MYCBPAP: variants seen among roughly 807,000 people sequenced by gnomAD.
MYCBPAP encodes MYCBP-associated protein.
MYCBPAP carries 60 observed loss-of-function variants against 106.1 expected under a neutral mutation model. That is an observed-to-expected ratio of 0.57 (90% CI 0.46 to 0.70). The LOEUF (loss-of-function observed/expected upper bound fraction) is 0.70. Among genes scored for constraint, MYCBPAP ranks in the 30% least tolerant of loss-of-function variants. The pLI, the probability that MYCBPAP is intolerant of heterozygous loss-of-function variation, is 0.00. For synonymous variants in MYCBPAP, 407 were observed against 440.6 expected (o/e 0.92, Z 0.95); for missense variants, 1,064 against 1,169.3 (o/e 0.91, Z 1.31).
intron 7 of MYCBPAP, among the ~76,000 whole-genome samples, chr17:50,520,715 C>T (rs1467880525): frequency 2.0e-5 from 3 of 152,060 alleles, no homozygotes; most frequent in South Asian, 2.1e-4. Flanking sequence ...CCAGCTGTGT[C>T]GTGTTAGTGA....
In MYCBPAP at chr17:50,531,500, T is replaced by G; in HGVS notation, c.*72T>G. 8.7e-7 allele frequency: 1 copy of G among 1,147,292 alleles called. No individual in the cohort carries two copies. Among genetic ancestry groups the G allele is most frequent in the Non-Finnish European group, 1.2e-6 (1 of 807,736 alleles). The allele number at this position is 1,147,292 out of a possible 1,614,324, so 71.1% of individuals were successfully genotyped here. On this transcript the variant is annotated 3_prime_UTR_variant, in exon 19 of 19. Transcript: ENST00000323776. ...CAATAAAGAACCTTCAAGTTTCTAC[T>G]ACTTCCGTGTGCCTCTGTGTCTTGC...
intron 18 of MYCBPAP, chr17:50,530,169 G>A (rs748225093): frequency 1.9e-5 from 8 of 412,400 alleles, no homozygotes; most frequent in South Asian, 3.6e-5. Flanking sequence ...GGGGGTCAAC[G>A]TCAACCCTTC....
chr17:50,514,320 T>C (rs2033964746), intron 1 of MYCBPAP, among the ~76,000 whole-genome samples: 1 of 152,248 alleles, frequency 6.6e-6, no homozygotes, highest in South Asian at 2.1e-4. Context: ...TTTCGTGATA[T>C]TGCCTCTTAA....
intron 1 of MYCBPAP, among the ~76,000 whole-genome samples, chr17:50,513,649 T>C (rs568670127): frequency 1.3e-5 from 2 of 152,368 alleles, no homozygotes; most frequent in Non-Finnish European, 2.9e-5. Flanking sequence ...GTGGTAATTG[T>C]GCACCCACCA....
chr17:50,510,508 T>C (rs1214220247), intron 1 of MYCBPAP: 4 of 101,758 alleles, frequency 3.9e-5, no homozygotes, highest in African/African-American at 2.1e-4. Context: ...TGTATATATA[T>C]ATATATATAT....
Position 50,528,212 on chromosome 17 carries a change from G to A in MYCBPAP, c.2349G>A (p.Arg783=), listed in dbSNP as rs775892638. The change falls in exon 16 of 19, where the codon AGG becomes AGA. Residue 783 remains arginine, a synonymous_variant. Coordinates refer to ENST00000323776, the MANE Select transcript of MYCBPAP (RefSeq NM_032133.6). ...TGGTGGGCCATTCCATGTGGCTGAGGTCTGTGCTGGGCCTGCCTGAGAAGG... is the reference window on the plus strand; with the variant it reads ...TGGTGGGCCATTCCATGTGGCTGAGATCTGTGCTGGGCCTGCCTGAGAAGG... The part of the protein sequence containing the change: ...DSLVGHSMWL[R]SVLGLPEKET... 2.5e-6 allele frequency: 4 copies of A among 1,614,188 alleles called. No individual in the cohort carries two copies. In the South Asian group the frequency reaches 4.4e-5, roughly 18 times the overall value.
At chr17:50,508,105 G>A (rs2033680180), upstream of MYCBPAP, among the ~76,000 whole-genome samples, 1 of 151,038 alleles carries the variant, frequency 6.6e-6, no homozygotes, top group African/African-American at 2.5e-5. Context: ...CCTACGGTAC[G>A]CCACGAAGGG....
intron 11 of MYCBPAP, 39 bp downstream of exon 11, chr17:50,523,167 TGG>T (rs1190828402): frequency 6.3e-7 from 1 of 1,591,516 alleles, no homozygotes; most frequent in Non-Finnish European, 8.6e-7. Flanking sequence ...AGCTCCTGTC[TGG>T]GGCTGGTTTT....
Position 50,528,268 on chromosome 17 carries a change from A to G in MYCBPAP, c.2405A>G (p.Gln802Arg), listed in dbSNP as rs1257111738. The G allele has an allele frequency of 2.5e-6, 4 of 1,612,526 alleles. No individual in the cohort carries two copies. Among genetic ancestry groups the G allele is most frequent in the Non-Finnish European group, 2.5e-6 (3 of 1,179,142 alleles). ...ATCTATTTGAATGTGCCTGAAGAGC[A>G]AGGTCAGATCTTGTGCAACCAACCA... is the stretch of plus-strand genomic sequence containing the variant. ...ETIYLNVPEE[Q>R]DQKSPPIMEV... The change falls in exon 16 of 19, where the codon CAA becomes CGA. Residue 802 changes from glutamine to arginine, a missense_variant and splice_region_variant. By Grantham distance (43) the Gln-to-Arg change is conservative. Transcript: ENST00000323776.
At position 50,519,441 on chromosome 17, in the gene MYCBPAP, C is replaced by G. The variant is rs988366912; in HGVS notation, c.769-199C>G. The G allele has an allele frequency of 6.1e-6, 4 of 658,756 alleles. No homozygotes were observed. In the African/African-American group the frequency reaches 7.3e-5, roughly 12 times the overall value. 40.8% of individuals were successfully genotyped at this position (658,756 alleles called of 1,614,324 possible). On this transcript the variant is annotated intron_variant, in intron 6 of 18. Coordinates refer to ENST00000323776, the MANE Select transcript of MYCBPAP (RefSeq NM_032133.6). ...CAGTACCTGTACCAACCCACACCAT[C>G]TGGCTGGGGGCAGGTAAAGATGACA...
At position 50,515,019 on chromosome 17, in the gene MYCBPAP, T is replaced by C. The variant is rs115674653; in HGVS notation, c.77-1551T>C. On this transcript the variant is annotated intron_variant, in intron 1 of 18. Coordinates refer to ENST00000323776, the MANE Select transcript of MYCBPAP (RefSeq NM_032133.6). ...TGCTGCTGTCTCTGGGCTCTGCCTCTTCCCTCCCACCTCACCACACTCCAG... is the reference window on the plus strand; with the variant it reads ...TGCTGCTGTCTCTGGGCTCTGCCTCCTCCCTCCCACCTCACCACACTCCAG... The C allele has an allele frequency of 1.6e-3, 504 of 306,732 alleles. 2 individuals are homozygous for C. Among genetic ancestry groups the C allele is most frequent in the African/African-American group, 0.01 (463 of 45,114 alleles). 19.0% of individuals were successfully genotyped at this position (306,732 alleles called of 1,614,324 possible).
intron 18 of MYCBPAP, among the ~76,000 whole-genome samples, chr17:50,529,989 G>A (rs991632883): frequency 1.3e-5 from 2 of 152,186 alleles, no homozygotes; most frequent in East Asian, 1.9e-4. Context: ...TATTGGCGAC[G>A]TCTTGCCTTC....
chr17:50,517,730 C>T (rs2034105963), intron 4 of MYCBPAP, 32 bp downstream of exon 4: 1 of 1,586,678 alleles, frequency 6.3e-7, no homozygotes, highest in Non-Finnish European at 8.7e-7. Context: ...CGGATGAGAG[C>T]AGTCACTGAA....
chr17:50,514,337 C>T (rs1284048762), intron 1 of MYCBPAP, among the ~76,000 whole-genome samples: 4 of 152,164 alleles, frequency 2.6e-5, no homozygotes, highest in Non-Finnish European at 4.4e-5. Flanking sequence ...TTAAAGATTA[C>T]GGTGCTGTAA....
rs113307578 is a variant in MYCBPAP, at chr17:50,523,134, C to T, written c.1447+6C>T. The T allele has an allele frequency of 2.1e-4, 334 of 1,611,828 alleles. No homozygotes were observed. In the African/African-American group the frequency reaches 4.0e-3, roughly 19 times the overall value. ...TTACTTTGACAACCGGGAAGGTACT[C>T]GGGAGAAGCCACCCTATGTGCTAGC... On this transcript the variant is annotated splice_donor_region_variant and intron_variant, in intron 11 of 18. Transcript: ENST00000323776.
rs2033694534 is a variant in MYCBPAP at position 50,508,480 on chromosome 17, C to G, written c.-195C>G. 6.8e-7 allele frequency: 1 copy of G among 1,461,216 alleles called. No homozygotes were observed. The highest frequency in any genetic ancestry group is 1.3e-5 in the South Asian group (1 of 77,742). 90.5% of individuals were successfully genotyped at this position (1,461,216 alleles called of 1,614,324 possible). ...CCGTCGCTCTTGAAGCCGCCGGCGGCGGGCGCGTGCGCGGCCCGATGAAGA... is the reference window on the plus strand; with the variant it reads ...CCGTCGCTCTTGAAGCCGCCGGCGGGGGGCGCGTGCGCGGCCCGATGAAGA... On this transcript the variant is annotated 5_prime_UTR_variant, in exon 1 of 19. Transcript: ENST00000323776.
chr17:50,520,963 A>AC lies in MYCBPAP; in HGVS notation c.917-146dup, dbSNP rs933538791. On this transcript the variant is annotated intron_variant, in intron 7 of 18. Transcript: ENST00000323776. ...TGCTGAGGAGGTATAGGACAGGAGA[A>AC]CGGGAGTCTAGCTGCCACAGGGAAG... 7.8e-6 allele frequency: 5 copies of AC among 643,174 alleles called. No homozygotes were observed. The African/African-American group carries it at 9.0e-5, about 12-fold the overall frequency. 39.8% of individuals were successfully genotyped at this position (643,174 alleles called of 1,614,324 possible). A position where few individuals can be genotyped will look rare whatever the true frequency, so the allele number is the denominator to read the frequency against.
At position 50,528,586 on chromosome 17, in the gene MYCBPAP, A is replaced by G. The variant is rs963374682; in HGVS notation, c.2408-109A>G. On this transcript the variant is annotated intron_variant, in intron 16 of 18. Transcript: ENST00000323776. ...GAAGCCACGCGCCTACCAGGGCTCA[A>G]GGCTATTGCCCTTTGCTTTTCCACC... 4.9e-6 allele frequency: 7 copies of G among 1,425,560 alleles called. No homozygotes were observed. The Admixed American group carries it at 8.9e-5, about 18-fold the overall frequency. 88.3% of individuals were successfully genotyped at this position (1,425,560 alleles called of 1,614,324 possible). A position where few individuals can be genotyped will look rare whatever the true frequency, so the allele number is the denominator to read the frequency against.
At position 50,528,872 on chromosome 17, in the gene MYCBPAP, G is replaced by A. The variant is rs540645447; in HGVS notation, c.2553+32G>A. ...TGGGGCGTGGTCTGGGCCAGGTGGG[G>A]CTGGGGAGGGGATTGGAGGGGCTGC... is the stretch of plus-strand genomic sequence containing the variant. On this transcript the variant is annotated intron_variant, in intron 17 of 18. Transcript: ENST00000323776. 3.1e-6 allele frequency: 5 copies of A among 1,610,910 alleles called. No individual in the cohort carries two copies. The African/African-American group carries it at 4.0e-5, about 13-fold the overall frequency.
Sources: gnomAD v4.1 joint callset for allele counts (sites outside exome capture counted in the v4.1 genomes callset) on GRCh38, gnomAD v4.1.1 for gene constraint, MANE v1.5 for transcripts, NCBI Gene and HGNC (gene_info 2026-07-23, HGNC 2026-07-21) for gene names.